Variants in ZFAND3 observed in about 807,000 individuals in gnomAD.
The protein encoded by ZFAND3 is AN1-type zinc finger protein 3.
In ZFAND3, 10 loss-of-function variants were observed where a neutral mutation model predicts 29.6. The observed-to-expected ratio is 0.34, with a 90% CI of 0.21 to 0.57. The LOEUF (loss-of-function observed/expected upper bound fraction) is 0.57. Among genes scored for constraint, ZFAND3 ranks in the 20% least tolerant of loss-of-function variants. The pLI is 0.86. For synonymous variants in ZFAND3, 128 were observed against 112.6 expected (o/e 1.14, Z -0.87); for missense variants, 230 against 304.5 (o/e 0.76, Z 1.82).
At chr6:38,050,103 C>T (rs1032423915) in intron 2 of ZFAND3, among the ~76,000 whole-genome samples, 4 of 151,390 alleles carry the variant, frequency 2.6e-5, no homozygotes, top group Non-Finnish European at 4.4e-5. Flanking sequence ...CACAGGTGCA[C>T]GTCACCACGC....
At chr6:37,993,844 A>G (rs1447863007) in intron 2 of ZFAND3, among the ~76,000 whole-genome samples, 1 of 152,238 alleles carries the variant, frequency 6.6e-6, no homozygotes, top group African/African-American at 2.4e-5. Flanking sequence ...TACATTATAC[A>G]ACACAGTAGT....
At chr6:38,114,001 T>TA (rs1266450559) in intron 4 of ZFAND3, among the ~76,000 whole-genome samples, 6 of 152,188 alleles carry the variant, frequency 3.9e-5, no homozygotes, top group Admixed American at 3.3e-4. Flanking sequence ...AGTTCTGTGT[T>TA]AGAGTAGAGG....
chr6:38,008,404 A>G (rs1763086836), intron 2 of ZFAND3, among the ~76,000 whole-genome samples: 1 of 152,194 alleles, frequency 6.6e-6, no homozygotes, highest in African/African-American at 2.4e-5. Context: ...AAATAGAGGA[A>G]CATTTTTTTA....
intron 2 of ZFAND3, among the ~76,000 whole-genome samples, chr6:38,005,934 A>G (rs1416408595): frequency 6.6e-6 from 1 of 152,184 alleles, no homozygotes; most frequent in Admixed American, 6.5e-5. Context: ...TTCTCTTTTA[A>G]AAGTTCTTAG....
chr6:38,034,553 A>G (rs917173521), intron 2 of ZFAND3, among the ~76,000 whole-genome samples: 3 of 152,224 alleles, frequency 2.0e-5, no homozygotes, highest in Non-Finnish European at 2.9e-5. Context: ...AATATGCAGT[A>G]TCTTTTGAAA....
chr6:37,989,963 A>G (rs1762731504), intron 2 of ZFAND3, among the ~76,000 whole-genome samples: 1 of 152,208 alleles, frequency 6.6e-6, no homozygotes, highest in African/African-American at 2.4e-5. Context: ...TCAAGAAAAG[A>G]TACCATAACG....
intron 2 of ZFAND3, among the ~76,000 whole-genome samples, chr6:37,958,453 CAAAAAAAA>C (rs11356169): frequency 8.7e-6 from 1 of 114,746 alleles, no homozygotes; most frequent in African/African-American, 3.2e-5. Flanking sequence ...GACTCGGTCT[CAAAAAAAA>C]AAAAAAAAAA....
rs114945305 is a variant in ZFAND3 at position 38,084,620 on chromosome 6, C to G, written c.361+2163C>G. ...TAACTGATTTTATATTGATCACGTT[C>G]TTTGTTACATGTCAGTATTATAGTG... On this transcript the variant is annotated intron_variant, in intron 4 of 5. Coordinates refer to ENST00000287218, the MANE Select transcript of ZFAND3 (RefSeq NM_021943.3). 1.8e-3 allele frequency among the ~76,000 whole-genome samples: 281 copies of G among 152,252 alleles called. 2 individuals carry two copies. The highest frequency in any genetic ancestry group is 6.5e-3 in the African/African-American group (271 of 41,550).
intron 5 of ZFAND3, among the ~76,000 whole-genome samples, chr6:38,129,777 A>G (rs1390347360): frequency 6.9e-6 from 1 of 144,988 alleles, no homozygotes; most frequent in Non-Finnish European, 1.5e-5. Flanking sequence ...TGTTCTTTTT[A>G]TTTAGACTTG....
chr6:38,035,014 T>A (rs1026727444), intron 2 of ZFAND3, among the ~76,000 whole-genome samples: 4 of 152,132 alleles, frequency 2.6e-5, no homozygotes, highest in African/African-American at 9.7e-5. Context: ...ACTGGAAATT[T>A]AAGTTTTTAC....
At chr6:38,122,388 C>A (rs527857422) in intron 5 of ZFAND3, among the ~76,000 whole-genome samples, 1 of 152,276 alleles carries the variant, frequency 6.6e-6, no homozygotes, top group African/African-American at 2.4e-5. Context: ...CAGACACAAC[C>A]ATCATAGGCC....
chr6:37,883,523 T>G (rs536544742), intron 1 of ZFAND3, among the ~76,000 whole-genome samples: 1 of 145,730 alleles, frequency 6.9e-6, no homozygotes, highest in East Asian at 1.9e-4. Flanking sequence ...ATTTAAATGA[T>G]GTATACCTTT....
At chr6:37,959,787 CTAAA>C (rs1251860429) in intron 2 of ZFAND3, among the ~76,000 whole-genome samples, 1 of 152,150 alleles carries the variant, frequency 6.6e-6, no homozygotes, top group Non-Finnish European at 1.5e-5. Flanking sequence ...TAAATTAAGA[CTAAA>C]TAGAGGCTAG....
intron 1 of ZFAND3, among the ~76,000 whole-genome samples, chr6:37,837,126 A>G (rs1763982077): frequency 6.6e-6 from 1 of 152,234 alleles, no homozygotes. Context: ...TGTGGGAGAT[A>G]ATGAAATATA....
intron 3 of ZFAND3, among the ~76,000 whole-genome samples, chr6:38,072,324 G>A (rs557204736): frequency 1.3e-5 from 2 of 152,162 alleles, no homozygotes; most frequent in Admixed American, 1.3e-4. Flanking sequence ...CCCTTAAGAA[G>A]TCTGCAGATC....
At chr6:37,841,727 C>T (rs989802658) in intron 1 of ZFAND3, among the ~76,000 whole-genome samples, 1 of 152,206 alleles carries the variant, frequency 6.6e-6, no homozygotes, top group African/African-American at 2.4e-5. Flanking sequence ...TTGTGATCCA[C>T]CAGCCTCGGC....
chr6:38,028,506 T>C (rs1038683298), intron 2 of ZFAND3, among the ~76,000 whole-genome samples: 14 of 152,194 alleles, frequency 9.2e-5, no homozygotes, highest in African/African-American at 3.4e-4. Flanking sequence ...TATTCCATGC[T>C]TGCTTGTATT....
chr6:37,890,337 C>T (rs571215563), intron 1 of ZFAND3, among the ~76,000 whole-genome samples: 20 of 152,214 alleles, frequency 1.3e-4, no homozygotes, highest in East Asian at 9.6e-4. Flanking sequence ...GAGTGATCCC[C>T]GATTGCTGAT....
At chr6:37,897,552 A>G (rs1765242025) in intron 1 of ZFAND3, among the ~76,000 whole-genome samples, 1 of 152,190 alleles carries the variant, frequency 6.6e-6, no homozygotes, top group Admixed American at 6.5e-5. Context: ...GGTGAGTCAT[A>G]GGTTATCAAT....
Sources: allele counts gnomAD v4.1 joint callset (sites outside exome capture counted in the v4.1 genomes callset), GRCh38; gene constraint gnomAD v4.1.1; transcripts MANE v1.5; gene names NCBI Gene and HGNC (gene_info 2026-07-23, HGNC 2026-07-21).